The following RTTN variants were observed in gnomAD, a reference collection of about 807,000 sequenced individuals.
The protein encoded by RTTN is rotatin.
RTTN carries 182 observed loss-of-function variants against 269.2 expected under a neutral mutation model. The observed-to-expected ratio is 0.68, with a 90% CI of 0.60 to 0.76. The LOEUF is 0.76. Among genes scored for constraint, RTTN ranks in the 30% least tolerant of loss-of-function variants. RTTN has a pLI of 0.00. For missense variants in RTTN, 2,545 were observed against 2,608.6 expected, an observed-to-expected ratio of 0.98 and a Z score of 0.53; for synonymous variants, 1,006 against 963.5, an observed-to-expected ratio of 1.04 and a Z score of -0.82.
At chr18:70,205,420 T>G in intron 1 of RTTN, 105 bp from the exon 2 acceptor site, 1 of 1,488,214 alleles carries the variant, frequency 6.7e-7, no homozygotes. Context: ...ACCAGTTTTT[T>G]TCAGAAGCAG....
At chr18:70,093,434 G>A (rs1178170527) in intron 28 of RTTN, among the ~76,000 whole-genome samples, 1 of 152,114 alleles carries the variant, frequency 6.6e-6, no homozygotes, top group Non-Finnish European at 1.5e-5. Context: ...TATTGGCTGT[G>A]GGTTTGTCAC....
At chr18:70,126,780 C>G (rs1012298080) in intron 25 of RTTN, among the ~76,000 whole-genome samples, 1 of 152,060 alleles carries the variant, frequency 6.6e-6, no homozygotes, top group Admixed American at 6.6e-5. Flanking sequence ...CAGCACACCA[C>G]TGGAAAGCCT....
intron 10 of RTTN, among the ~76,000 whole-genome samples, chr18:70,184,960 C>T (rs899043828): frequency 7.3e-5 from 11 of 151,622 alleles, no homozygotes; most frequent in African/African-American, 2.7e-4. Flanking sequence ...TTACAATAAG[C>T]TTCACTATAG....
chr18:70,067,451 G>A (rs371303629), intron 34 of RTTN, among the ~76,000 whole-genome samples: 12 of 152,128 alleles, frequency 7.9e-5, no homozygotes, highest in Admixed American at 4.6e-4. Flanking sequence ...GAGCCACCGC[G>A]CCCAGCAAGC....
intron 8 of RTTN, 86 bp downstream of exon 8, chr18:70,193,196 AGGACAG>A: frequency 1.8e-6 from 2 of 1,139,118 alleles, no homozygotes. Context: ...AAAAAAAAAA[AGGACAG>A]AAAAATAATT....
intron 7 of RTTN, chr18:70,194,608 G>A (rs2061757983): frequency 1.3e-5 from 2 of 152,208 alleles, no homozygotes; most frequent in East Asian, 3.9e-4. Context: ...ACATGCAAAG[G>A]AATATTATTC....
Position 70,073,958 on chromosome 18 carries a change from G to T in RTTN, c.4601C>A (p.Ser1534Tyr). 10 of 1,611,908 alleles carry T rather than the reference G, an allele frequency of 6.2e-6. No individual in the cohort carries two copies. Among genetic ancestry groups the T allele is most frequent in the Non-Finnish European group, 8.5e-6 (10 of 1,178,464 alleles). Residue 1534 changes from serine to tyrosine, a missense_variant, in exon 34 of 49, where the codon TCT becomes TAT. Ser to Tyr is a moderately radical substitution (Grantham distance 144). Coordinates refer to ENST00000640769, the MANE Select transcript of RTTN (RefSeq NM_173630.4). The stretch of plus-strand genomic sequence containing the variant: ...TGGATCTCGATCCTGACTTGTCCTA[G>T]ATGGAGCCCTCCAAAACTTGAATGA... ...DDSFKFWRAP[S>Y]RTSQDRDPSS...
At chr18:70,165,966 T>C (rs536239171) in intron 14 of RTTN, 96 bp downstream of exon 14, 2 of 1,218,228 alleles carry the variant, frequency 1.6e-6, no homozygotes, top group East Asian at 2.5e-5. Context: ...TTCTTATATC[T>C]CATACAAAAG....
intron 14 of RTTN, among the ~76,000 whole-genome samples, chr18:70,162,425 G>A (rs1034031684): frequency 3.3e-5 from 5 of 152,114 alleles, no homozygotes; most frequent in African/African-American, 1.2e-4. Context: ...CCCGAGACTG[G>A]GTAATACATA....
intron 40 of RTTN, among the ~76,000 whole-genome samples, chr18:70,031,741 GGACTGGGACACCAGGAA>G (rs1473174432): frequency 1.3e-5 from 2 of 150,986 alleles, no homozygotes; most frequent in African/African-American, 4.9e-5. Flanking sequence ...TCCCACTGAG[GGACTGGGACACCAGGAA>G]GACTGGCACA....
chr18:70,137,661 A>G lies in RTTN; in HGVS notation c.2788+1938T>C, dbSNP rs187911589. On this transcript the variant is annotated intron_variant, in intron 21 of 48. Coordinates refer to ENST00000640769, the MANE Select transcript of RTTN (RefSeq NM_173630.4). ...TACACACAACCACGGCTCCATCTAG[A>G]AGTCAATCTTGCCTATTTGAACTCC... Among the ~76,000 whole-genome samples, 75 of 152,130 alleles carry G rather than the reference A, an allele frequency of 4.9e-4. 1 individual carries two copies. Among genetic ancestry groups the G allele is most frequent in the Middle Eastern group, 3.4e-3 (1 of 294 alleles).
intron 28 of RTTN, among the ~76,000 whole-genome samples, chr18:70,098,447 G>C (rs1255890841): frequency 1.3e-5 from 2 of 152,078 alleles, no homozygotes; most frequent in African/African-American, 2.4e-5. Flanking sequence ...TAATGAGATA[G>C]ATAGGCCACT....
chr18:70,038,868 T>A (rs2057254954), intron 40 of RTTN, among the ~76,000 whole-genome samples: 1 of 152,190 alleles, frequency 6.6e-6, no homozygotes, highest in Admixed American at 6.5e-5. Context: ...CAGATAAATT[T>A]AACAGAGAGA....
Position 70,137,773 on chromosome 18 carries a change from C to T in RTTN, c.2788+1826G>A, listed in dbSNP as rs143651143. 7.7e-3 allele frequency among the ~76,000 whole-genome samples: 1,177 copies of T among 152,244 alleles called. 12 individuals are homozygous for T. Among genetic ancestry groups the T allele is most frequent in the Middle Eastern group, 0.037 (11 of 294 alleles). ...TCACCAACCAATCTGACCAGCATGT[C>T]CTCTGGCACCAGGAATCCCCAATTA... is the stretch of plus-strand genomic sequence containing the variant. On this transcript the variant is annotated intron_variant, in intron 21 of 48. Transcript: ENST00000640769.
intron 27 of RTTN, among the ~76,000 whole-genome samples, chr18:70,110,638 C>T (rs1240640444): frequency 6.6e-6 from 1 of 152,184 alleles, no homozygotes; most frequent in African/African-American, 2.4e-5. Flanking sequence ...GCCATTTGGG[C>T]AGACACCAAA....
chr18:70,092,570 A>G (rs1599492533), intron 29 of RTTN, 106 bp downstream of exon 29: 1 of 1,310,926 alleles, frequency 7.6e-7, no homozygotes, highest in East Asian at 2.3e-5. Context: ...AGAAAAGTCA[A>G]AAGAGACATT....
intron 46 of RTTN, among the ~76,000 whole-genome samples, chr18:70,014,516 A>C (rs2056482843): frequency 6.6e-6 from 1 of 152,198 alleles, no homozygotes; most frequent in African/African-American, 2.4e-5. Context: ...CCTGAGGCCC[A>C]GTATGAACTT....
chr18:70,166,992 G>C lies in RTTN; in HGVS notation c.1729C>G (p.Gln577Glu). The C allele has an allele frequency of 5.0e-6, 8 of 1,613,526 alleles. No homozygotes were observed. In the South Asian group the frequency reaches 8.8e-5, roughly 18 times the overall value. The change falls in exon 13 of 49, where the codon CAA (glutamine) becomes GAA (glutamate). Residue 577 changes from glutamine (Q) to glutamate (E), a missense_variant. By Grantham distance (29) the Gln-to-Glu change is conservative (BLOSUM62 2). Coordinates refer to ENST00000640769, the MANE Select transcript of RTTN (RefSeq NM_173630.4). ...TGATAGGAAAAGCTACGCAAGGCTT[G>C]GTCTGCCAGCTCCACTAATTCTAAG... is the stretch of plus-strand genomic sequence containing the variant. ...NLLELVELAD[Q>E]ALRSFSYHQH...
At chr18:70,194,708 T>C (rs989670480) in intron 7 of RTTN, 1 of 152,086 alleles carries the variant, frequency 6.6e-6, no homozygotes, top group African/African-American at 2.4e-5. Flanking sequence ...AAAGGACAAA[T>C]ACTGTATGAT....
Sources: gnomAD v4.1 joint callset for allele counts (sites outside exome capture counted in the v4.1 genomes callset) on GRCh38, gnomAD v4.1.1 for gene constraint, MANE v1.5 for transcripts, NCBI Gene and HGNC (gene_info 2026-07-23, HGNC 2026-07-21) for gene names.